The following EIF4E2 variants were observed in gnomAD, a reference collection of about 807,000 sequenced individuals.
EIF4E2 encodes eukaryotic translation initiation factor 4E type 2.
A neutral mutation model predicts 34.2 loss-of-function variants in EIF4E2; 13 were observed. That is an observed-to-expected ratio of 0.38 (90% CI 0.25 to 0.60). EIF4E2 has a LOEUF of 0.60. Ranked by LOEUF, EIF4E2 falls within the 20% of genes least tolerant of loss-of-function variation. EIF4E2 has a pLI of 0.62. For synonymous variants in EIF4E2, 100 were observed against 106.6 expected, an observed-to-expected ratio of 0.94 and a Z score of 0.38; for missense variants, 222 against 315.1, an observed-to-expected ratio of 0.70 and a Z score of 2.24.
chr2:232,553,219 C>T (rs560152264), intron 1 of EIF4E2, among the ~76,000 whole-genome samples: 1 of 63,530 alleles, frequency 1.6e-5, no homozygotes, highest in East Asian at 3.3e-4. Context: ...TAACGTAAAA[C>T]CGTAAGATGC....
rs557382548 is a variant in EIF4E2 at position 232,568,687 on chromosome 2, G to C, written c.666-258G>C. 23 of 985,394 alleles carry C rather than the reference G, an allele frequency of 2.3e-5. No individual in the cohort carries two copies. The South Asian group carries it at 9.4e-4, about 40-fold the overall frequency. 61.0% of individuals were successfully genotyped at this position (985,394 alleles called of 1,614,324 possible). On this transcript the variant is annotated intron_variant, in intron 6 of 6. Transcript: ENST00000258416. ...CTCTTCTCCCTTTCTAATACCATAA[G>C]GCAGTTCTTCGTGACTTTTACAGAA...
Position 232,569,119 on chromosome 2 carries a change from G to A in EIF4E2, c.*102G>A. 1 of 1,525,328 alleles carries A rather than the reference G, an allele frequency of 6.6e-7. No individual in the cohort carries two copies. The highest frequency in any genetic ancestry group is 8.8e-7 in the Non-Finnish European group (1 of 1,134,484). The allele number at this position is 1,525,328 out of a possible 1,614,324, so 94.5% of individuals were successfully genotyped here. A position where few individuals can be genotyped will look rare whatever the true frequency, so the allele number is the denominator to read the frequency against. On this transcript the variant is annotated 3_prime_UTR_variant, in exon 7 of 7. Coordinates refer to ENST00000258416, the MANE Select transcript of EIF4E2 (RefSeq NM_004846.4). ...GAAGATCCTTCTGTCCTGGACAAGA[G>A]GAATTGGAAGAGCATTTTATGTTTT...
At position 232,558,030 on chromosome 2, in the gene EIF4E2, G is replaced by A; in HGVS notation, c.270+12G>A. ...GCACCTTTGCCTCTGTGAGTTCTTG[G>A]TGAATTAATGGAGTGTGCCTTGATA... On this transcript the variant is annotated intron_variant, in intron 3 of 6. Coordinates refer to ENST00000258416, the MANE Select transcript of EIF4E2 (RefSeq NM_004846.4). 1 of 1,613,746 alleles carries A rather than the reference G, an allele frequency of 6.2e-7. No individual in the cohort carries two copies. Among genetic ancestry groups the A allele is most frequent in the Non-Finnish European group, 8.5e-7 (1 of 1,179,904 alleles).
chr2:232,562,705 C>A (rs1692764836), intron 3 of EIF4E2, among the ~76,000 whole-genome samples: 1 of 152,218 alleles, frequency 6.6e-6, no homozygotes, highest in African/African-American at 2.4e-5. Flanking sequence ...TTGTCCTCAC[C>A]AAGCCCCTTT....
At chr2:232,580,363 T>C (rs1170231215) in intron 6 of EIF4E2, among the ~76,000 whole-genome samples, 1 of 152,176 alleles carries the variant, frequency 6.6e-6, no homozygotes, top group Non-Finnish European at 1.5e-5. Flanking sequence ...AGAGAACATC[T>C]CCTTCTCAGG....
chr2:232,557,724 A>G (rs951634122), intron 2 of EIF4E2, 160 bp from the exon 3 acceptor site: 6 of 794,080 alleles, frequency 7.6e-6, no homozygotes, highest in Non-Finnish European at 1.2e-5. Context: ...CACTGAGGAA[A>G]TGTACTGTGT....
At chr2:232,550,979 G>T in intron 1 of EIF4E2, 1 of 615,720 alleles carries the variant, frequency 1.6e-6, no homozygotes, top group South Asian at 1.9e-5. Context: ...GCCCGGGGGA[G>T]GGGTGGCTGT....
At chr2:232,568,665 T>C in intron 6 of EIF4E2, 2 of 985,384 alleles carry the variant, frequency 2.0e-6, no homozygotes, top group Non-Finnish European at 2.4e-6. Context: ...TTCTCTGCTC[T>C]TCTCCCTTTC....
rs1559319281 is a variant in EIF4E2 at position 232,566,969 on chromosome 2, T to G, written c.516T>G (p.Ser172=). 6.3e-7 allele frequency: 1 copy of G among 1,595,612 alleles called. No individual in the cohort carries two copies. The highest frequency in any genetic ancestry group is 8.5e-7 in the Non-Finnish European group (1 of 1,170,532). The stretch of plus-strand genomic sequence containing the variant: ...AGGAGATCTGTGGGGCTGTGGTGTC[T>G]GTCCGCTTTCAGGTAAGCCACCCAT... ...VGEEICGAVV[S]VRFQEDIISI... Residue 172 remains serine, a synonymous_variant, in exon 5 of 7, where the codon TCT becomes TCG. Coordinates refer to ENST00000258416, the MANE Select transcript of EIF4E2 (RefSeq NM_004846.4). The surrounding 1 kb of genome is among the most constrained non-coding windows in gnomAD (Gnocchi z 4.9).
At chr2:232,568,481 A>G (rs1392361264) in intron 6 of EIF4E2, 8 of 985,122 alleles carry the variant, frequency 8.1e-6, no homozygotes, top group Non-Finnish European at 9.6e-6. Flanking sequence ...CTATTCTGGG[A>G]TAGAAGTAGT....
rs138156712 is a variant in EIF4E2 at position 232,577,679 on chromosome 2, C to T, written c.666-3225C>T. 9.5e-4 allele frequency among the ~76,000 whole-genome samples: 144 copies of T among 152,260 alleles called. 1 individual carries two copies. Among genetic ancestry groups the T allele is most frequent in the African/African-American group, 3.1e-3 (129 of 41,542 alleles). ...TGGAAGCCAGTCTGAATGGGGCTCT[C>T]GGATATTTCTGAGACATCATCAGGA... On this transcript the variant is annotated intron_variant, in intron 6 of 6. Transcript: ENST00000409098.
intron 3 of EIF4E2, among the ~76,000 whole-genome samples, chr2:232,560,741 A>G (rs1189081631): frequency 6.6e-6 from 1 of 152,242 alleles, no homozygotes; most frequent in African/African-American, 2.4e-5. Context: ...TACTCTTACA[A>G]CTCAGTTATA....
In EIF4E2 at chr2:232,581,374, A is replaced by C; in HGVS notation, c.*431A>C. 2.9e-6 allele frequency: 1 copy of C among 339,304 alleles called. No individual in the cohort carries two copies. Among genetic ancestry groups the C allele is most frequent in the Non-Finnish European group, 5.7e-6 (1 of 174,160 alleles). The allele number at this position is 339,304 out of a possible 1,614,324, so 21.0% of individuals were successfully genotyped here. On this transcript the variant is annotated 3_prime_UTR_variant, in exon 7 of 7. Transcript: ENST00000409098. This position sits in a 1 kb window ranked among gnomAD's most constrained non-coding sequence, Gnocchi z 5.2. The stretch of plus-strand genomic sequence containing the variant: ...GAAAAGTGTTCTGTTGGAGAGTCCC[A>C]AAATAGCTGTAAATGCTCTCTTCTA...
intron 6 of EIF4E2, among the ~76,000 whole-genome samples, chr2:232,575,295 A>AG (rs141011873): frequency 1.9e-4 from 29 of 151,952 alleles, no homozygotes; most frequent in Admixed American, 3.9e-4. Context: ...GCAGGTGGCC[A>AG]GGGCCTGAGA....
At chr2:232,583,012 A>G (rs1214215712) in exon 7 of EIF4E2, 1 of 152,202 alleles carries the variant, frequency 6.6e-6, no homozygotes, top group Non-Finnish European at 1.5e-5. Flanking sequence ...TAACAGGTTT[A>G]AGTAGGAGAT....
At chr2:232,576,314 T>C (rs1693217455) in intron 6 of EIF4E2, among the ~76,000 whole-genome samples, 1 of 152,210 alleles carries the variant, frequency 6.6e-6, no homozygotes, top group African/African-American at 2.4e-5. Flanking sequence ...CCTTTAAAAA[T>C]TGATGGCATC....
chr2:232,573,772 G>A (rs1177712954), downstream of EIF4E2: 1 of 290,844 alleles, frequency 3.4e-6, no homozygotes, highest in Non-Finnish European at 6.8e-6. Flanking sequence ...TATGAAAACA[G>A]AGAAAGTGTA....
chr2:232,570,581 TC>T (rs1164544325), downstream of EIF4E2, among the ~76,000 whole-genome samples: 13 of 152,232 alleles, frequency 8.5e-5, no homozygotes, highest in Non-Finnish European at 1.5e-5. Context: ...TCTGCTTTCT[TC>T]TATTCCTTGT....
exon 7 of EIF4E2, chr2:232,582,306 T>TA (rs1420807969): frequency 6.6e-6 from 1 of 152,610 alleles, no homozygotes; most frequent in African/African-American, 2.4e-5. Flanking sequence ...AGAGAAATCA[T>TA]ATGAGAGTAA....
Sources: allele counts gnomAD v4.1 joint callset (sites outside exome capture counted in the v4.1 genomes callset), GRCh38; gene constraint gnomAD v4.1.1; non-coding constraint Gnocchi (gnomAD v3.1); transcripts MANE v1.5; gene names NCBI Gene and HGNC (gene_info 2026-07-23, HGNC 2026-07-21).